Variants in PMS2 observed in about 807,000 individuals in gnomAD.
PMS2 encodes the protein PMS1 homolog 2, mismatch repair system component.
In PMS2, 69 loss-of-function variants were observed where a neutral mutation model predicts 90.0. The observed-to-expected ratio is 0.77, with a 90% CI of 0.63 to 0.94. The LOEUF (loss-of-function observed/expected upper bound fraction) is 0.94, where lower values mean the gene tolerates loss of function less well. Among genes scored for constraint, PMS2 ranks in the 40% least tolerant of loss-of-function variants. PMS2 has a pLI of 0.00. For missense variants in PMS2, 966 were observed against 1,040.2 expected, an observed-to-expected ratio of 0.93 and a Z score of 0.98; for synonymous variants, 332 against 375.1, an observed-to-expected ratio of 0.89 and a Z score of 1.33.
Position 6,009,041 on chromosome 7 carries a change from T to C in PMS2, c.-22A>G. ...CCATGGATGCAACACCCGATCCGCC[T>C]CGGGGACTGGGAAAGTTCCCTCCAG... On this transcript the variant is annotated 5_prime_UTR_variant, in exon 1 of 15. Transcript: ENST00000265849. 1.2e-6 allele frequency: 2 copies of C among 1,612,358 alleles called. No individual in the cohort carries two copies. The highest frequency in any genetic ancestry group is 1.7e-6 in the Non-Finnish European group (2 of 1,179,772).
Position 5,987,322 on chromosome 7 carries a change from G to A in PMS2, c.1443C>T (p.Pro481=), listed in dbSNP as rs2128730531. 1 of 1,614,124 alleles carries A rather than the reference G, an allele frequency of 6.2e-7. No homozygotes were observed. Among genetic ancestry groups the A allele is most frequent in the Non-Finnish European group, 8.5e-7 (1 of 1,180,010 alleles). The change falls in exon 11 of 15, where the codon CCC becomes CCT. Residue 481 remains proline, a synonymous_variant. Coordinates refer to ENST00000265849, the MANE Select transcript of PMS2 (RefSeq NM_000535.7). ...CCTCCGCTCTGTCCGTAGGGTCACT[G>A]GGTCCGTGACTGGAACTCACTGCCT... ...QKEAVSSSHG[P]SDPTDRAEVE...
chr7:5,998,096 T>C (rs74813623), intron 6 of PMS2, among the ~76,000 whole-genome samples: 4 of 150,864 alleles, frequency 2.7e-5, no homozygotes, highest in East Asian at 2.0e-4. Flanking sequence ...TTTTTTTTTT[T>C]CCTGGGATGG....
chr7:6,006,686 C>T (rs919342058), intron 1 of PMS2, among the ~76,000 whole-genome samples: 1 of 151,856 alleles, frequency 6.6e-6, no homozygotes, highest in Non-Finnish European at 1.5e-5. Context: ...ATTAGAAAAA[C>T]CAACAGTATG....
chr7:6,002,526 G>T lies in PMS2; in HGVS notation c.464C>A (p.Thr155Asn), dbSNP rs2128817131. ...QKTPYPRPRG[T>N]TVSVQQLFST... ...AAATAACTGCTGCACGCTGACTGTG[G>T]TCCCTCTGGGGCGGGGGTAGGGGGT... The change falls in exon 5 of 15, where the codon ACC (threonine) becomes AAC (asparagine). Residue 155 changes from threonine to asparagine, a missense_variant. By Grantham distance (65) the Thr-to-Asn change is moderately conservative. This residue lies in a region of PMS2 where 871 missense variants were observed against 802.4 expected (regional missense o/e 1.09). Transcript: ENST00000265849. 6.2e-7 allele frequency: 1 copy of T among 1,611,670 alleles called. No individual in the cohort carries two copies. The highest frequency in any genetic ancestry group is 1.3e-5 in the African/African-American group (1 of 74,950).
At position 5,986,687 on chromosome 7, in the gene PMS2, GTC is replaced by G. The variant is rs1782904754; in HGVS notation, c.2006+70_2006+71del. ...AGCCTGCGCAACAGAGCAAGACTCT[GTC>G]TCAAAAAAATAAAAAATAAAAATAA... On this transcript the variant is annotated intron_variant, in intron 11 of 14. Coordinates refer to ENST00000265849, the MANE Select transcript of PMS2 (RefSeq NM_000535.7). The G allele has an allele frequency of 4.9e-6, 6 of 1,232,776 alleles. No individual in the cohort carries two copies. The South Asian group carries it at 9.3e-5, about 19-fold the overall frequency. The allele number at this position is 1,232,776 out of a possible 1,614,324, so 76.4% of individuals were successfully genotyped here.
Position 6,005,964 on chromosome 7 carries a change from C to T in PMS2, c.91G>A (p.Val31Met), listed in dbSNP as rs786203763. Reference protein sequence around the residue: ...KSVHQICSGQVVLSLSTAVKE... With the variant: ...KSVHQICSGQMVLSLSTAVKE... ...ACCGCAGTGCTTAGACTCAGTACCA[C>T]CTGCCCAGAGCAAATCTGATGGACT... The change falls in exon 2 of 15, where the codon GTG (valine) becomes ATG (methionine). Residue 31 changes from valine (V) to methionine (M), a missense_variant. Physicochemically the swap from Val to Met is conservative, Grantham distance 21. Coordinates refer to ENST00000265849, the MANE Select transcript of PMS2 (RefSeq NM_000535.7). 6.2e-7 allele frequency: 1 copy of T among 1,610,828 alleles called. No homozygotes were observed. Among genetic ancestry groups the T allele is most frequent in the South Asian group, 1.1e-5 (1 of 90,994 alleles).
In PMS2 at chr7:5,997,363, C is replaced by T. The variant is rs587782633; in HGVS notation, c.766G>A (p.Gly256Ser). ...TGCAGAGCATCGGAACAGCTCAAACCGTACTCTTCACACACGGAGTCACTA... is the reference window on the plus strand; with the variant it reads ...TGCAGAGCATCGGAACAGCTCAAACTGTACTCTTCACACACGGAGTCACTA... ...PPSDSVCEEYGLSCSDALHNL... is the reference protein window; with the variant it reads ...PPSDSVCEEYSLSCSDALHNL... Residue 256 changes from glycine (G) to serine (S), a missense_variant, in exon 7 of 15, where the codon GGT becomes AGT. Transcript: ENST00000265849. The T allele has an allele frequency of 3.7e-5, 60 of 1,603,976 alleles. No individual in the cohort carries two copies. The highest frequency in any genetic ancestry group is 4.4e-5 in the Non-Finnish European group (52 of 1,171,748).
Position 5,987,154 on chromosome 7 carries a change from C to T in PMS2, c.1611G>A (p.Glu537=), listed in dbSNP as rs1562629833. ...AAGAGTCGTCAGTTTTAGGCGCTTT[C>T]TCCTGAGAGTCCACATGTTCCTGCG... is the stretch of plus-strand genomic sequence containing the variant. The part of the protein sequence containing the change: ...RGSQEHVDSQ[E]KAPKTDDSFS... Residue 537 remains glutamate, a synonymous_variant, in exon 11 of 15, where the codon GAG becomes GAA. Transcript: ENST00000265849. The T allele has an allele frequency of 5.6e-6, 9 of 1,613,964 alleles. No individual in the cohort carries two copies. The highest frequency in any genetic ancestry group is 7.6e-6 in the Non-Finnish European group (9 of 1,179,914).
intron 9 of PMS2, among the ~76,000 whole-genome samples, chr7:5,990,946 C>T (rs1050795777): frequency 1.3e-5 from 2 of 151,998 alleles, no homozygotes; most frequent in East Asian, 3.9e-4. Flanking sequence ...ACTCAGGAAT[C>T]GGAGGTTACA....
intron 10 of PMS2, among the ~76,000 whole-genome samples, chr7:5,988,894 C>T (rs922963695): frequency 6.6e-6 from 1 of 152,076 alleles, no homozygotes; most frequent in African/African-American, 2.4e-5. Context: ...CTCGCTTTGT[C>T]ACCCAGGCTG....
In PMS2 at chr7:5,989,795, C is replaced by T. The variant is rs1783506726; in HGVS notation, c.1144+5G>A. ...GAAGCTGTTTGTACACTGTATTTTTCTTACCTTCAACATCCAGCAGTGGCT... is the reference window on the plus strand; with the variant it reads ...GAAGCTGTTTGTACACTGTATTTTTTTTACCTTCAACATCCAGCAGTGGCT... On this transcript the variant is annotated splice_donor_5th_base_variant and intron_variant, in intron 10 of 14. Coordinates refer to ENST00000265849, the MANE Select transcript of PMS2 (RefSeq NM_000535.7). The T allele has an allele frequency of 6.2e-7, 1 of 1,609,618 alleles. No homozygotes were observed. Among genetic ancestry groups the T allele is most frequent in the Non-Finnish European group, 8.5e-7 (1 of 1,176,448 alleles).
intron 5 of PMS2, among the ~76,000 whole-genome samples, 186 bp from the exon 6 acceptor site, chr7:5,999,461 G>A (rs745791334): frequency 2.0e-5 from 3 of 152,074 alleles, no homozygotes; most frequent in East Asian, 1.9e-4. Flanking sequence ...AGAGCTTTTG[G>A]CTCCTGGTCA....
intron 7 of PMS2, among the ~76,000 whole-genome samples, 159 bp downstream of exon 7, chr7:5,997,167 T>C (rs1270147783): frequency 2.7e-5 from 4 of 147,868 alleles, no homozygotes; most frequent in African/African-American, 5.0e-5. Flanking sequence ...TGAGCCAAGA[T>C]AGCACCATTG....
chr7:6,003,358 A>C (rs1785327668), intron 4 of PMS2: 1 of 178,324 alleles, frequency 5.6e-6, no homozygotes, highest in Non-Finnish European at 1.2e-5. Context: ...CTGTGCTATA[A>C]TTAAATAGTG....
intron 11 of PMS2, among the ~76,000 whole-genome samples, 170 bp from the exon 12 acceptor site, chr7:5,983,161 A>G (rs1449110949): frequency 2.0e-5 from 3 of 151,654 alleles, no homozygotes; most frequent in Non-Finnish European, 4.4e-5. Context: ...CACCCAGGCT[A>G]CAGTGCAATG....
intron 9 of PMS2, among the ~76,000 whole-genome samples, chr7:5,991,675 T>G (rs920563030): frequency 6.6e-6 from 1 of 151,664 alleles, no homozygotes; most frequent in Non-Finnish European, 1.5e-5. Flanking sequence ...CTGTCTCTAC[T>G]AAAAATACAA....
At chr7:5,985,140 C>T (rs1273296033) in intron 11 of PMS2, among the ~76,000 whole-genome samples, 3 of 151,822 alleles carry the variant, frequency 2.0e-5, no homozygotes, top group Non-Finnish European at 4.4e-5. Context: ...CTCTGTCACC[C>T]AGGCTGGAGT....
Position 5,987,372 on chromosome 7 carries a change from T to G in PMS2, c.1393A>C (p.Lys465Gln), listed in dbSNP as rs1060503135. The change falls in exon 11 of 15, where the codon AAA (lysine) becomes CAA (glutamine). Residue 465 changes from lysine to glutamine, a missense_variant. Transcript: ENST00000265849. ...TCTTTCTGAGGTCTCAGGACGCCTT[T>G]GTCAGAGATGGCACCTGAAGTGCTA... ...SSSTSGAISD[K>Q]GVLRPQKEAV... The G allele has an allele frequency of 6.2e-6, 10 of 1,614,198 alleles. No homozygotes were observed. In the South Asian group the frequency reaches 1.1e-4, roughly 18 times the overall value.
chr7:5,978,260 T>C (rs1781929251), intron 13 of PMS2, among the ~76,000 whole-genome samples: 1 of 149,640 alleles, frequency 6.7e-6, no homozygotes, highest in Non-Finnish European at 1.5e-5. Flanking sequence ...AAGACAAGAA[T>C]CTATAGTTCT....
Sources: gnomAD v4.1 joint callset for allele counts (sites outside exome capture counted in the v4.1 genomes callset) on GRCh38, gnomAD v4.1.1 for gene constraint, gnomAD v4.1.1 regional missense constraint, MANE v1.5 for transcripts, NCBI Gene and HGNC (gene_info 2026-07-23, HGNC 2026-07-21) for gene names.